Variants in EIF2B3 observed in about 807,000 individuals in gnomAD.
EIF2B3 encodes the protein translation initiation factor eIF2B subunit gamma.
Under a neutral mutation model 54.1 loss-of-function variants are expected in EIF2B3, and 20 were observed. The ratio of observed to expected loss-of-function variants is 0.37; its 90% CI spans 0.26 to 0.54. The LOEUF is 0.54. EIF2B3 is among the 20% of genes least tolerant of loss of function. The pLI is 0.86. For synonymous variants in EIF2B3, 153 were observed against 188.1 expected (o/e 0.81, Z 1.52); for missense variants, 448 against 547.8 (o/e 0.82, Z 1.82).
chr1:44,953,325 T>C (rs1389832354), intron 3 of EIF2B3, among the ~76,000 whole-genome samples: 1 of 152,096 alleles, frequency 6.6e-6, no homozygotes, highest in Non-Finnish European at 1.5e-5. Flanking sequence ...GCCCTGTTTT[T>C]CTTCTTCCTT....
intron 3 of EIF2B3, among the ~76,000 whole-genome samples, chr1:44,965,948 ATACCATATTCT>A (rs1644334156): frequency 6.6e-6 from 1 of 151,942 alleles, no homozygotes; most frequent in Non-Finnish European, 1.5e-5. Context: ...CCAAAAGTGT[ATACCATATTCT>A]TACTTCTCTC....
At chr1:44,950,969 G>A (rs12742371) in intron 3 of EIF2B3, among the ~76,000 whole-genome samples, 33,678 of 152,140 alleles carry the variant, frequency 0.22, 4,054 homozygotes, top group Admixed American at 0.32. Context: ...GATTACAGGC[G>A]TAAGCCACTG....
chr1:44,880,316 C>T (rs1284004106), intron 7 of EIF2B3, among the ~76,000 whole-genome samples: 2 of 152,118 alleles, frequency 1.3e-5, no homozygotes, highest in Non-Finnish European at 2.9e-5. Context: ...AAGAGAAAGT[C>T]AAACTAAAAG....
intron 6 of EIF2B3, among the ~76,000 whole-genome samples, chr1:44,896,780 G>C: frequency 6.6e-6 from 1 of 152,202 alleles, no homozygotes. Context: ...TGATCTGCCA[G>C]ACACAATCTC....
chr1:44,860,259 C>G (rs988257071), intron 10 of EIF2B3, among the ~76,000 whole-genome samples: 24 of 152,138 alleles, frequency 1.6e-4, no homozygotes, highest in African/African-American at 5.6e-4. Context: ...AAGTGATCCT[C>G]CTGCTTCAGC....
chr1:44,959,908 C>T (rs1228227245), intron 3 of EIF2B3, among the ~76,000 whole-genome samples: 1 of 152,116 alleles, frequency 6.6e-6, no homozygotes, highest in Non-Finnish European at 1.5e-5. Flanking sequence ...CTACACGTCA[C>T]TTTGAATTCT....
In EIF2B3 at chr1:44,919,883, C is replaced by CTTTTTTTTTTTTTTTTTT. The variant is rs1194645004; in HGVS notation, c.566+6727_566+6744dup. 2.0e-4 allele frequency among the ~76,000 whole-genome samples: 23 copies of CTTTTTTTTTTTTTTTTTT among 117,224 alleles called. 2 individuals are homozygous for CTTTTTTTTTTTTTTTTTT. The highest frequency in any genetic ancestry group is 3.7e-4 in the Non-Finnish European group (20 of 54,418). 76.9% of individuals were successfully genotyped at this position (117,224 alleles called of 152,430 possible). A position where few individuals can be genotyped will look rare whatever the true frequency, so the allele number is the denominator to read the frequency against. The stretch of plus-strand genomic sequence containing the variant: ...ACGCATGCGACAACATGCCTGGCTA[C>CTTTTTTTTTTTTTTTTTT]TTTTTTTTTTTTTTTTTTAGTAGAT... On this transcript the variant is annotated intron_variant, in intron 5 of 11. Coordinates refer to ENST00000360403, the MANE Select transcript of EIF2B3 (RefSeq NM_020365.5).
chr1:44,955,530 T>C (rs952637583), intron 3 of EIF2B3, among the ~76,000 whole-genome samples: 6 of 151,964 alleles, frequency 3.9e-5, no homozygotes, highest in African/African-American at 1.4e-4. Context: ...CTAATTAAAC[T>C]AAAGAGCTTC....
chr1:44,964,354 CA>C (rs1236009699), intron 3 of EIF2B3, among the ~76,000 whole-genome samples: 4 of 152,082 alleles, frequency 2.6e-5, no homozygotes, highest in African/African-American at 9.7e-5. Context: ...TTCCCTTGAC[CA>C]ACTGTATTTA....
At chr1:44,876,646 TG>T (rs1655167625) in intron 8 of EIF2B3, among the ~76,000 whole-genome samples, 1 of 105,050 alleles carries the variant, frequency 9.5e-6, no homozygotes. Context: ...CCGCCCCTAC[TG>T]GGAAGTGAGG....
At chr1:44,927,777 C>A (rs1378193334) in intron 4 of EIF2B3, among the ~76,000 whole-genome samples, 1 of 152,062 alleles carries the variant, frequency 6.6e-6, no homozygotes, top group Non-Finnish European at 1.5e-5. Flanking sequence ...AAAGGAAAAT[C>A]ATATCTGCAA....
intron 10 of EIF2B3, among the ~76,000 whole-genome samples, chr1:44,869,370 C>T (rs575262102): frequency 1.7e-4 from 25 of 151,184 alleles, no homozygotes; most frequent in Admixed American, 5.9e-4. Context: ...CCCAACTACT[C>T]GGGAGTTTGA....
Position 44,850,839 on chromosome 1 carries a change from A to G in EIF2B3, c.*112T>C, listed in dbSNP as rs1654246690. 4 of 1,214,958 alleles carry G rather than the reference A, an allele frequency of 3.3e-6. No homozygotes were observed. The highest frequency in any genetic ancestry group is 1.9e-4 in the Middle Eastern group (1 of 5,130). 75.3% of individuals were successfully genotyped at this position (1,214,958 alleles called of 1,614,324 possible). The stretch of plus-strand genomic sequence containing the variant: ...TTGGACTGCTCCACAAGTCTCCAGC[A>G]TGCCTTTGGAAGCCCTTCTTTATTG... On this transcript the variant is annotated 3_prime_UTR_variant, in exon 12 of 12. Coordinates refer to ENST00000360403, the MANE Select transcript of EIF2B3 (RefSeq NM_020365.5).
chr1:44,956,453 T>G (rs1453110827), intron 3 of EIF2B3, among the ~76,000 whole-genome samples: 1 of 151,446 alleles, frequency 6.6e-6, no homozygotes, highest in Non-Finnish European at 1.5e-5. Flanking sequence ...CCATGGCACA[T>G]GTATTCATAT....
chr1:44,857,424 A>G (rs1314929033), intron 11 of EIF2B3, among the ~76,000 whole-genome samples: 1 of 152,056 alleles, frequency 6.6e-6, no homozygotes, highest in Non-Finnish European at 1.5e-5. Context: ...CCAGCGACTC[A>G]GGAGACTGAG....
intron 11 of EIF2B3, among the ~76,000 whole-genome samples, chr1:44,854,811 ACTCTT>A (rs1654388026): frequency 6.6e-6 from 1 of 151,288 alleles, no homozygotes; most frequent in South Asian, 2.1e-4. Flanking sequence ...CTGGTCTCGA[ACTCTT>A]GACCACAGGG....
intron 3 of EIF2B3, among the ~76,000 whole-genome samples, chr1:44,960,639 A>C (rs1271616949): frequency 6.6e-6 from 1 of 151,318 alleles, no homozygotes; most frequent in Non-Finnish European, 1.5e-5. Flanking sequence ...CCCCGTCTCA[A>C]AAAAAAAAGA....
intron 10 of EIF2B3, among the ~76,000 whole-genome samples, chr1:44,858,728 G>A (rs1020042648): frequency 3.3e-5 from 5 of 152,050 alleles, no homozygotes; most frequent in African/African-American, 1.2e-4. Context: ...GCTTCCCAAT[G>A]TGCTGGGACT....
intron 4 of EIF2B3, among the ~76,000 whole-genome samples, chr1:44,927,014 G>A (rs1643862269): frequency 6.6e-6 from 1 of 151,106 alleles, no homozygotes; most frequent in African/African-American, 2.5e-5. Flanking sequence ...ACGCCCTGTA[G>A]TCCCAGCTGC....
Sources: allele counts gnomAD v4.1 joint callset (sites outside exome capture counted in the v4.1 genomes callset), GRCh38; gene constraint gnomAD v4.1.1; transcripts MANE v1.5; gene names NCBI Gene and HGNC (gene_info 2026-07-23, HGNC 2026-07-21).